The following AKAP19 variants were observed in gnomAD, a reference collection of about 807,000 sequenced individuals.
AKAP19 encodes the protein small A-kinase anchoring protein.
At chr2:190,007,063 A>G in the AKAP19 span, among the ~76,000 whole-genome samples, 2 of 152,208 alleles carry the variant, frequency 1.3e-5, no homozygotes, top group Non-Finnish European at 2.9e-5. Context: ...CCTCTGAGCT[A>G]GGTCTTACTA....
At chr2:190,022,172 G>A in the AKAP19 span, among the ~76,000 whole-genome samples, 1 of 152,100 alleles carries the variant, frequency 6.6e-6, no homozygotes, top group East Asian at 1.9e-4. Context: ...TTTCAGTACT[G>A]CCACATTGGG....
At chr2:189,963,961 G>A in the AKAP19 span, among the ~76,000 whole-genome samples, 1 of 151,940 alleles carries the variant, frequency 6.6e-6, no homozygotes, top group African/African-American at 2.4e-5. Context: ...ACAGGCTTTT[G>A]CCATGTTGGT....
At chr2:190,100,094 G>T in the AKAP19 span, among the ~76,000 whole-genome samples, 2,635 of 152,260 alleles carry the variant, frequency 0.017, 72 homozygotes, top group African/African-American at 0.059. Flanking sequence ...TAGGATTAAA[G>T]CTAAAACAGC....
At chr2:189,891,299 C>A in the AKAP19 span, among the ~76,000 whole-genome samples, 5 of 142,250 alleles carry the variant, frequency 3.5e-5, no homozygotes, top group Admixed American at 1.4e-4. Context: ...TCTCGGCTCA[C>A]TGCAACCTCT....
the AKAP19 span, among the ~76,000 whole-genome samples, chr2:189,970,127 A>G: frequency 6.6e-6 from 1 of 152,126 alleles, no homozygotes; most frequent in Non-Finnish European, 1.5e-5. Context: ...TTGGCCTCCC[A>G]AAGTGCTGAG....
At chr2:190,166,947 C>G in the AKAP19 span, among the ~76,000 whole-genome samples, 2 of 151,944 alleles carry the variant, frequency 1.3e-5, no homozygotes, top group African/African-American at 2.4e-5. Context: ...AAATGAAAGA[C>G]CAATTATTTA....
the AKAP19 span, among the ~76,000 whole-genome samples, chr2:190,035,517 T>C: frequency 1.7e-4 from 26 of 152,072 alleles, no homozygotes; most frequent in Admixed American, 3.9e-4. Context: ...TGTTCATCAC[T>C]ACTCCTGCAC....
chr2:190,145,066 C>G, the AKAP19 span, among the ~76,000 whole-genome samples: 10 of 152,276 alleles, frequency 6.6e-5, no homozygotes, highest in Middle Eastern at 3.4e-3. Flanking sequence ...GGGAGAATTG[C>G]TTGAGCCCAG....
At chr2:190,186,531 C>G in the AKAP19 span, among the ~76,000 whole-genome samples, 2 of 152,144 alleles carry the variant, frequency 1.3e-5, no homozygotes, top group Admixed American at 1.3e-4. The surrounding 1 kb of genome is among the most constrained non-coding windows in gnomAD (Gnocchi z 5.5). Context: ...AGTGTTCTTT[C>G]GGTGACCTTC....
At chr2:189,996,164 T>A in the AKAP19 span, among the ~76,000 whole-genome samples, 1 of 152,250 alleles carries the variant, frequency 6.6e-6, no homozygotes, top group Non-Finnish European at 1.5e-5. Context: ...AGGGAAGTTT[T>A]CCTCAATTAT....
the AKAP19 span, among the ~76,000 whole-genome samples, chr2:190,162,209 A>C: frequency 6.6e-6 from 1 of 152,174 alleles, no homozygotes; most frequent in Admixed American, 6.5e-5. Flanking sequence ...TAGGAAATAG[A>C]GAAGTTATTA....
At chr2:189,885,136 C>T in the AKAP19 span, among the ~76,000 whole-genome samples, 1 of 152,098 alleles carries the variant, frequency 6.6e-6, no homozygotes, top group African/African-American at 2.4e-5. Flanking sequence ...AGGCATACCC[C>T]CCATGAAGAG....
the AKAP19 span, among the ~76,000 whole-genome samples, chr2:189,987,267 C>T: frequency 1.3e-5 from 2 of 152,180 alleles, no homozygotes; most frequent in African/African-American, 4.8e-5. Context: ...TTTTCTCTTG[C>T]TGCCGCCATG....
chr2:190,162,667 A>T, the AKAP19 span, among the ~76,000 whole-genome samples: 2 of 152,256 alleles, frequency 1.3e-5, no homozygotes, highest in Non-Finnish European at 2.9e-5. Context: ...CCAGGAAAAT[A>T]GTAAGCTGCT....
the AKAP19 span, among the ~76,000 whole-genome samples, chr2:190,146,710 G>A: frequency 6.6e-6 from 1 of 152,182 alleles, no homozygotes; most frequent in Non-Finnish European, 1.5e-5. Flanking sequence ...GGAGTAAGGT[G>A]GTATTGCATT....
At chr2:190,052,490 T>G in the AKAP19 span, among the ~76,000 whole-genome samples, 2 of 152,218 alleles carry the variant, frequency 1.3e-5, no homozygotes, top group African/African-American at 2.4e-5. Flanking sequence ...GGACATGTTT[T>G]GTTTTGGGCT....
the AKAP19 span, among the ~76,000 whole-genome samples, chr2:190,083,779 G>T: frequency 6.6e-6 from 1 of 152,174 alleles, no homozygotes. Flanking sequence ...GGGAAAGTGG[G>T]ATGTCACTGC....
At chr2:190,092,765 A>G in the AKAP19 span, among the ~76,000 whole-genome samples, 1 of 152,198 alleles carries the variant, frequency 6.6e-6, no homozygotes, top group Non-Finnish European at 1.5e-5. Flanking sequence ...CCAGTCCAGA[A>G]TAATAGCCTT....
chr2:190,123,275 T>G, the AKAP19 span, among the ~76,000 whole-genome samples: 1 of 152,224 alleles, frequency 6.6e-6, no homozygotes, highest in Non-Finnish European at 1.5e-5. Context: ...TGATTTTTAT[T>G]GTCAAATCAT....
Sources: allele counts gnomAD v4.1 joint callset (sites outside exome capture counted in the v4.1 genomes callset), GRCh38; gene constraint gnomAD v4.1.1; non-coding constraint Gnocchi (gnomAD v3.1); transcripts MANE v1.5; gene names NCBI Gene and HGNC (gene_info 2026-07-23, HGNC 2026-07-21).